Variants in FSTL5 observed in about 807,000 individuals in gnomAD.
FSTL5 encodes follistatin-related protein 5.
Under a neutral mutation model 89.1 loss-of-function variants are expected in FSTL5, and 62 were observed. The ratio of observed to expected loss-of-function variants is 0.70; its 90% CI spans 0.57 to 0.86. The LOEUF (loss-of-function observed/expected upper bound fraction) is 0.86, where lower values mean the gene tolerates loss of function less well. FSTL5 is among the 40% of genes least tolerant of loss of function. FSTL5 has a pLI of 0.00. For missense variants in FSTL5, 1,057 were observed against 1,001.6 expected, an observed-to-expected ratio of 1.06 and a Z score of -0.75; for synonymous variants, 383 against 346.2, an observed-to-expected ratio of 1.11 and a Z score of -1.18.
At chr4:161,839,609 G>A (rs1206434097) in intron 4 of FSTL5, among the ~76,000 whole-genome samples, 1 of 152,098 alleles carries the variant, frequency 6.6e-6, no homozygotes, top group African/African-American at 2.4e-5. Context: ...CAAAAACCAT[G>A]TATATACTGT....
At chr4:162,097,501 C>A (rs1361100041) in intron 2 of FSTL5, among the ~76,000 whole-genome samples, 3 of 151,686 alleles carry the variant, frequency 2.0e-5, no homozygotes, top group Non-Finnish European at 3.0e-5. Context: ...CCATTTTCTA[C>A]AAAATTATAT....
rs558392126 is a variant in FSTL5, at chr4:161,975,715, G to A, written c.161-55063C>T. On this transcript the variant is annotated intron_variant, in intron 3 of 15. Transcript: ENST00000306100. ...ACATGTATACATATGTAACTAACCT[G>A]CACAATGTGCACATGTACCCTAAAA... 1.6e-4 allele frequency among the ~76,000 whole-genome samples: 24 copies of A among 148,138 alleles called. 1 individual carries two copies. In the South Asian group the frequency reaches 4.9e-3, roughly 30 times the overall value.
rs74583395 is a variant in FSTL5, at chr4:161,892,114, T to C, written c.409+28290A>G. Among the ~76,000 whole-genome samples, 1,155 of 152,118 alleles carry C rather than the reference T, an allele frequency of 7.6e-3. 60 individuals are homozygous for C. In the East Asian group the frequency reaches 0.15, roughly 19 times the overall value. On this transcript the variant is annotated intron_variant, in intron 4 of 15. Coordinates refer to ENST00000306100, the MANE Select transcript of FSTL5 (RefSeq NM_020116.5). ...TTTCCTGATGTACTTATTTCAAACA[T>C]CTTATAATCCAGTATTCTCTGAAAT...
At chr4:161,595,920 T>C (rs1329234737) in intron 7 of FSTL5, among the ~76,000 whole-genome samples, 4 of 151,928 alleles carry the variant, frequency 2.6e-5, no homozygotes, top group African/African-American at 7.2e-5. Context: ...AAATACAGTT[T>C]TCTGTATAAA....
chr4:161,963,121 G>A (rs759709757), intron 3 of FSTL5, among the ~76,000 whole-genome samples: 1 of 151,762 alleles, frequency 6.6e-6, no homozygotes, highest in Non-Finnish European at 1.5e-5. Flanking sequence ...TAAATACTAT[G>A]CAAAACACCT....
In FSTL5 at chr4:161,628,232, C is replaced by T. The variant is rs572915695; in HGVS notation, c.894+28096G>A. 3.3e-5 allele frequency among the ~76,000 whole-genome samples: 5 copies of T among 152,146 alleles called. No individual in the cohort carries two copies. In the East Asian group the frequency reaches 9.7e-4, roughly 29 times the overall value. On this transcript the variant is annotated intron_variant, in intron 7 of 15. Transcript: ENST00000306100. The stretch of plus-strand genomic sequence containing the variant: ...GCACTCAAAAATGTTAATTCTCTTC[C>T]CCATAAGTTTCTAACATTTTTATAC...
chr4:161,658,007 GC>G (rs1445259735), intron 6 of FSTL5, among the ~76,000 whole-genome samples: 1 of 152,116 alleles, frequency 6.6e-6, no homozygotes, highest in African/African-American at 2.4e-5. Flanking sequence ...GTAGAGAAAG[GC>G]TCAGCCCAAA....
chr4:162,052,890 G>T (rs555460876), intron 2 of FSTL5, among the ~76,000 whole-genome samples: 2 of 151,636 alleles, frequency 1.3e-5, no homozygotes, highest in South Asian at 2.1e-4. Flanking sequence ...CACCCTAATT[G>T]TTGTTAAAAA....
At chr4:161,399,248 A>T (rs10024697) in intron 15 of FSTL5, among the ~76,000 whole-genome samples, 1 of 152,110 alleles carries the variant, frequency 6.6e-6, no homozygotes, top group Non-Finnish European at 1.5e-5. Flanking sequence ...AAACCTGCTC[A>T]TAACTTTTCA....
intron 7 of FSTL5, among the ~76,000 whole-genome samples, chr4:161,632,463 T>G (rs1277120565): frequency 6.6e-6 from 1 of 152,162 alleles, no homozygotes; most frequent in African/African-American, 2.4e-5. Flanking sequence ...GACATTGGTG[T>G]GTAGTTTTTC....
chr4:161,740,758 T>C (rs1282218749), intron 6 of FSTL5, among the ~76,000 whole-genome samples: 1 of 152,326 alleles, frequency 6.6e-6, no homozygotes, highest in East Asian at 1.9e-4. Flanking sequence ...TGGATCATAT[T>C]ATGTACTCAA....
chr4:161,918,343 T>C (rs190010973), intron 4 of FSTL5, among the ~76,000 whole-genome samples: 112 of 152,288 alleles, frequency 7.4e-4, no homozygotes, highest in African/African-American at 2.6e-3. Context: ...AGACCCATAA[T>C]TTCTGAGACC....
chr4:161,764,660 C>A (rs1369122), intron 5 of FSTL5, among the ~76,000 whole-genome samples: 31,744 of 151,984 alleles, frequency 0.21, 6,101 homozygotes, highest in African/African-American at 0.51. Flanking sequence ...ATATAGCCAA[C>A]TTTAATTTTT....
chr4:161,852,837 T>G (rs1171581913), intron 4 of FSTL5, among the ~76,000 whole-genome samples: 1 of 151,984 alleles, frequency 6.6e-6, no homozygotes, highest in Non-Finnish European at 1.5e-5. Flanking sequence ...TGGGGTCTGT[T>G]GGGGTGCGTG....
intron 3 of FSTL5, among the ~76,000 whole-genome samples, chr4:162,008,849 T>C (rs1045855365): frequency 6.6e-6 from 1 of 151,986 alleles, no homozygotes; most frequent in Non-Finnish European, 1.5e-5. Flanking sequence ...TGCTTTATGG[T>C]ATTTTAAATT....
chr4:162,129,806 G>A (rs1278837468), intron 1 of FSTL5, among the ~76,000 whole-genome samples: 1 of 152,172 alleles, frequency 6.6e-6, no homozygotes, highest in Non-Finnish European at 1.5e-5. Flanking sequence ...TTTCCAAATT[G>A]TATAGCTTTA....
chr4:162,154,683 A>G (rs557426810), intron 1 of FSTL5, among the ~76,000 whole-genome samples: 7 of 152,278 alleles, frequency 4.6e-5, no homozygotes, highest in Non-Finnish European at 8.8e-5. Flanking sequence ...AAGCAAATCC[A>G]TCATTATAAA....
Position 162,107,364 on chromosome 4 carries a change from G to C in FSTL5, c.126+3907C>G, listed in dbSNP as rs114681629. Among the ~76,000 whole-genome samples the C allele has an allele frequency of 9.6e-3, 1,456 of 152,242 alleles. 20 individuals carry two copies. Among genetic ancestry groups the C allele is most frequent in the African/African-American group, 0.032 (1,342 of 41,546 alleles). On this transcript the variant is annotated intron_variant, in intron 2 of 15. Coordinates refer to ENST00000306100, the MANE Select transcript of FSTL5 (RefSeq NM_020116.5). ...CCTAATGTATGGAATATAGCTAACAGAGTACCCGCTATACAATCAATGCCC... is the reference window on the plus strand; with the variant it reads ...CCTAATGTATGGAATATAGCTAACACAGTACCCGCTATACAATCAATGCCC...
intron 4 of FSTL5, among the ~76,000 whole-genome samples, chr4:161,872,720 A>G (rs946648501): frequency 4.6e-5 from 7 of 152,194 alleles, no homozygotes; most frequent in African/African-American, 1.7e-4. Flanking sequence ...CTTAGTAGCC[A>G]TTAAACAGAA....
Sources: gnomAD v4.1 joint callset for allele counts (sites outside exome capture counted in the v4.1 genomes callset) on GRCh38, gnomAD v4.1.1 for gene constraint, MANE v1.5 for transcripts, NCBI Gene and HGNC (gene_info 2026-07-23, HGNC 2026-07-21) for gene names.